The following ALPK1 variants were observed in gnomAD, a reference collection of about 807,000 sequenced individuals.
The protein encoded by ALPK1 is alpha kinase 1.
Under a neutral mutation model 120.6 loss-of-function variants are expected in ALPK1, and 110 were observed. The ratio of observed to expected loss-of-function variants is 0.91; its 90% CI spans 0.78 to 1.07. The LOEUF (loss-of-function observed/expected upper bound fraction) is 1.07. Ranked by LOEUF, ALPK1 falls within the 50% of genes least tolerant of loss-of-function variation. The pLI, the probability that ALPK1 is intolerant of heterozygous loss-of-function variation, is 0.00. For synonymous variants in ALPK1, 582 were observed against 560.3 expected (o/e 1.04, Z -0.55); for missense variants, 1,498 against 1,483.9 (o/e 1.01, Z -0.16).
chr4:112,357,418 G>C (rs1018372050), intron 2 of ALPK1: 1 of 696,156 alleles, frequency 1.4e-6, no homozygotes, highest in East Asian at 2.6e-5. Context: ...GTCACCAGAG[G>C]GTGGTTCAGC....
intron 2 of ALPK1, among the ~76,000 whole-genome samples, chr4:112,347,412 C>G (rs757604775): frequency 6.6e-6 from 1 of 152,198 alleles, no homozygotes; most frequent in Non-Finnish European, 1.5e-5. Context: ...TCACTGTAAT[C>G]TTATAAAAGT....
At chr4:112,380,931 C>T (rs911670555) in intron 3 of ALPK1, among the ~76,000 whole-genome samples, 7 of 152,092 alleles carry the variant, frequency 4.6e-5, no homozygotes, top group African/African-American at 1.4e-4. Context: ...CGCTCAATTC[C>T]ACTGTGAGGT....
At chr4:112,334,421 A>G (rs774861197) in intron 2 of ALPK1, among the ~76,000 whole-genome samples, 35 of 145,402 alleles carry the variant, frequency 2.4e-4, no homozygotes, top group Admixed American at 4.3e-4. Flanking sequence ...TGACAGAGGA[A>G]GACTCTGCCT....
intron 1 of ALPK1, among the ~76,000 whole-genome samples, chr4:112,314,507 G>A (rs947927490): frequency 7.2e-5 from 11 of 152,154 alleles, no homozygotes; most frequent in African/African-American, 2.7e-4. Context: ...GAATGACTGA[G>A]GTTGTGTCAA....
At position 112,297,943 on chromosome 4, in the gene ALPK1, AG is replaced by A. The variant is rs550788696; in HGVS notation, c.-153+476del. ...AGCATCAGTAATTTTGCTAGGAAAC[AG>A]GTAGATAAGGCACGAGACTTACTCG... On this transcript the variant is annotated intron_variant, in intron 1 of 15. Transcript: ENST00000650871. 7.2e-3 allele frequency among the ~76,000 whole-genome samples: 1,096 copies of A among 152,288 alleles called. 7 individuals carry two copies. Among genetic ancestry groups the A allele is most frequent in the Non-Finnish European group, 9.9e-3 (670 of 68,004 alleles).
At chr4:112,330,109 A>G (rs1729301379) in intron 2 of ALPK1, among the ~76,000 whole-genome samples, 1 of 152,194 alleles carries the variant, frequency 6.6e-6, no homozygotes, top group Non-Finnish European at 1.5e-5. Context: ...GGTCCTGGAA[A>G]CCTGTGTTGA....
At chr4:112,368,123 G>T (rs1731239073) in intron 2 of ALPK1, among the ~76,000 whole-genome samples, 1 of 152,068 alleles carries the variant, frequency 6.6e-6, no homozygotes, top group African/African-American at 2.4e-5. Flanking sequence ...TTGCCATGTT[G>T]GCCAGGCTGC....
intron 4 of ALPK1, among the ~76,000 whole-genome samples, chr4:112,387,296 G>T: frequency 6.6e-6 from 1 of 152,330 alleles, no homozygotes; most frequent in South Asian, 2.1e-4. Flanking sequence ...GTAAAGTAAA[G>T]GGTGTGTTTG....
intron 2 of ALPK1, among the ~76,000 whole-genome samples, chr4:112,347,067 CT>C (rs754431189): frequency 1.3e-5 from 2 of 152,166 alleles, no homozygotes; most frequent in Non-Finnish European, 2.9e-5. Flanking sequence ...AATTAGGATA[CT>C]TTTTCCCCAG....
chr4:112,434,040 A>C (rs1362562745), intron 11 of ALPK1, among the ~76,000 whole-genome samples: 1 of 152,058 alleles, frequency 6.6e-6, no homozygotes, highest in Non-Finnish European at 1.5e-5. Flanking sequence ...CATTGTTACC[A>C]AAAAAAAGCA....
intron 4 of ALPK1, among the ~76,000 whole-genome samples, chr4:112,406,937 G>A (rs1733205880): frequency 6.6e-6 from 1 of 152,026 alleles, no homozygotes; most frequent in South Asian, 2.1e-4. Flanking sequence ...TCAAATTTAA[G>A]CCTTAAAAAT....
intron 1 of ALPK1, among the ~76,000 whole-genome samples, chr4:112,313,445 G>C (rs1051548643): frequency 1.3e-5 from 2 of 152,166 alleles, no homozygotes; most frequent in Non-Finnish European, 2.9e-5. Flanking sequence ...GCTGGAGGCC[G>C]GGCATGGTGG....
chr4:112,340,935 A>G (rs1372495071), intron 2 of ALPK1, among the ~76,000 whole-genome samples: 1 of 152,256 alleles, frequency 6.6e-6, no homozygotes, highest in Non-Finnish European at 1.5e-5. Flanking sequence ...GATGTGTAGC[A>G]TCTTTGAATT....
intron 2 of ALPK1, among the ~76,000 whole-genome samples, chr4:112,328,988 C>T (rs1729237970): frequency 6.6e-6 from 1 of 152,194 alleles, no homozygotes; most frequent in Non-Finnish European, 1.5e-5. Context: ...CGTCATTTAT[C>T]ACAAGGCTGT....
intron 2 of ALPK1, among the ~76,000 whole-genome samples, chr4:112,354,380 A>G (rs909432619): frequency 6.6e-6 from 1 of 152,188 alleles, no homozygotes; most frequent in African/African-American, 2.4e-5. Flanking sequence ...AGTTAGCTCA[A>G]TGCCATATAC....
chr4:112,418,185 T>C (rs1318954625), intron 5 of ALPK1, among the ~76,000 whole-genome samples: 1 of 152,230 alleles, frequency 6.6e-6, no homozygotes, highest in African/African-American at 2.4e-5. Context: ...AAGACCTTTT[T>C]GGAGAAGGCA....
intron 5 of ALPK1, 68 bp downstream of exon 5, chr4:112,412,093 C>G: frequency 6.3e-7 from 1 of 1,589,386 alleles, no homozygotes; most frequent in Non-Finnish European, 8.6e-7. Flanking sequence ...TCCCGAGCTA[C>G]TTGACCTCTG....
At chr4:112,321,769 T>C (rs1360897450) in intron 2 of ALPK1, among the ~76,000 whole-genome samples, 1 of 152,228 alleles carries the variant, frequency 6.6e-6, no homozygotes, top group Non-Finnish European at 1.5e-5. Flanking sequence ...GAAATGAAAT[T>C]CAAATACGAG....
chr4:112,350,947 A>T (rs115912885), intron 2 of ALPK1, among the ~76,000 whole-genome samples: 1 of 152,152 alleles, frequency 6.6e-6, no homozygotes, highest in Non-Finnish European at 1.5e-5. Flanking sequence ...GGGTGCAGAA[A>T]TGCCAAGAAA....
Sources: allele counts gnomAD v4.1 joint callset (sites outside exome capture counted in the v4.1 genomes callset), GRCh38; gene constraint gnomAD v4.1.1; transcripts MANE v1.5; gene names NCBI Gene and HGNC (gene_info 2026-07-23, HGNC 2026-07-21).